Variants in MAF observed in about 807,000 individuals in gnomAD.
The protein encoded by MAF is MAF bZIP transcription factor.
A neutral mutation model predicts 22.0 loss-of-function variants in MAF; 10 were observed. The observed-to-expected ratio is 0.45, with a 90% CI of 0.28 to 0.77. The LOEUF is 0.77. MAF is among the 30% of genes least tolerant of loss of function. The pLI is 0.12. For synonymous variants in MAF, 337 were observed against 255.8 expected (o/e 1.32, Z -3.03); for missense variants, 544 against 548.4 (o/e 0.99, Z 0.08).
chr16:79,270,687 G>C, the MAF span, among the ~76,000 whole-genome samples: 120,010 of 151,996 alleles, frequency 0.79, 48,172 homozygotes, highest in East Asian at 0.95. Flanking sequence ...TAGGAAGGAG[G>C]AGGGTGGAGA....
At chr16:79,482,146 C>A in the MAF span, among the ~76,000 whole-genome samples, 1 of 152,228 alleles carries the variant, frequency 6.6e-6, no homozygotes, top group Admixed American at 6.5e-5. Flanking sequence ...AGAGACTCAA[C>A]TGACTTCAGT....
chr16:79,293,738 G>A, the MAF span, among the ~76,000 whole-genome samples: 120 of 152,238 alleles, frequency 7.9e-4, no homozygotes, highest in African/African-American at 2.8e-3. Flanking sequence ...CTGTGAAGGG[G>A]AAAGGCAACT....
At chr16:79,267,336 T>C in the MAF span, among the ~76,000 whole-genome samples, 1 of 152,170 alleles carries the variant, frequency 6.6e-6, no homozygotes, top group Non-Finnish European at 1.5e-5. Flanking sequence ...GTTCACGTGG[T>C]TACTGCTCAG....
chr16:79,539,691 A>C, the MAF span, among the ~76,000 whole-genome samples: 1 of 152,230 alleles, frequency 6.6e-6, no homozygotes, highest in Admixed American at 6.5e-5. Context: ...ATAGTTTGAT[A>C]ATTAAATAGT....
At chr16:79,204,849 T>C in the MAF span, 1 of 152,224 alleles carries the variant, frequency 6.6e-6, no homozygotes, top group Non-Finnish European at 1.5e-5. Flanking sequence ...CCTGCTGGTC[T>C]CCAGGCTCGT....
the MAF span, among the ~76,000 whole-genome samples, chr16:79,406,362 G>T: frequency 3.9e-5 from 6 of 152,196 alleles, no homozygotes; most frequent in African/African-American, 1.2e-4. Flanking sequence ...ATCATAGACT[G>T]AGTGGCTTAT....
the MAF span, among the ~76,000 whole-genome samples, chr16:79,469,249 C>T: frequency 5.9e-5 from 9 of 152,298 alleles, no homozygotes; most frequent in African/African-American, 1.2e-4. Flanking sequence ...CAGAGTTGAG[C>T]GGTTGCAACA....
At chr16:79,383,959 T>A in the MAF span, among the ~76,000 whole-genome samples, 1 of 152,110 alleles carries the variant, frequency 6.6e-6, no homozygotes, top group African/African-American at 2.4e-5. Flanking sequence ...GAAAAGCCAC[T>A]TGTGAAAAAG....
At chr16:79,474,983 A>G in the MAF span, among the ~76,000 whole-genome samples, 179 of 152,366 alleles carry the variant, frequency 1.2e-3, 4 homozygotes, top group South Asian at 0.036. Context: ...TGCTTTGTAG[A>G]CACTGTGCTG....
At chr16:79,246,383 T>A in the MAF span, among the ~76,000 whole-genome samples, 1 of 152,068 alleles carries the variant, frequency 6.6e-6, no homozygotes, top group East Asian at 1.9e-4. Flanking sequence ...AACCCACAAA[T>A]GTTACCAAAG....
chr16:79,488,759 T>G, the MAF span, among the ~76,000 whole-genome samples: 3 of 152,146 alleles, frequency 2.0e-5, no homozygotes, highest in African/African-American at 7.2e-5. Context: ...GAGAATGCAG[T>G]GCACAAAGCA....
At chr16:79,277,525 T>C in the MAF span, among the ~76,000 whole-genome samples, 2 of 152,220 alleles carry the variant, frequency 1.3e-5, no homozygotes, top group African/African-American at 4.8e-5. Flanking sequence ...ATTAGTACTA[T>C]TATTACTATT....
chr16:79,232,246 A>G, the MAF span, among the ~76,000 whole-genome samples: 2 of 152,076 alleles, frequency 1.3e-5, no homozygotes, highest in African/African-American at 4.8e-5. Context: ...CTTAAATTAC[A>G]TATACTGTGG....
chr16:79,225,290 G>T, the MAF span, among the ~76,000 whole-genome samples: 1 of 152,298 alleles, frequency 6.6e-6, no homozygotes, highest in Non-Finnish European at 1.5e-5. Flanking sequence ...AAATGGTGTT[G>T]AGAAAACTGG....
At chr16:79,242,391 G>C in the MAF span, among the ~76,000 whole-genome samples, 1 of 149,774 alleles carries the variant, frequency 6.7e-6, no homozygotes, top group South Asian at 2.1e-4. Flanking sequence ...AAAAAAAGCA[G>C]GGGTTGCAAT....
the MAF span, chr16:79,516,212 C>T: frequency 3.9e-5 from 6 of 152,128 alleles, no homozygotes; most frequent in African/African-American, 1.4e-4. Context: ...CAGATGTCCA[C>T]TGAGGGTCCA....
chr16:79,518,237 A>G, the MAF span, among the ~76,000 whole-genome samples: 1 of 152,182 alleles, frequency 6.6e-6, no homozygotes, highest in African/African-American at 2.4e-5. Context: ...TCACCCAAGG[A>G]ACATGAACCT....
chr16:79,367,582 T>C, the MAF span, among the ~76,000 whole-genome samples: 39 of 152,222 alleles, frequency 2.6e-4, no homozygotes, highest in Non-Finnish European at 4.3e-4. Context: ...CACTGTCCAA[T>C]GCAACTCTCT....
Position 79,600,522 on chromosome 16 carries a change from C to T in MAF, c.-620G>A, listed in dbSNP as rs762984067. ...CTCTCTCTCCCTCGCGCGCTCTCTACCTCTGTGCAAAGTGCAAGGCAGAGG... is the reference window on the plus strand; with the variant it reads ...CTCTCTCTCCCTCGCGCGCTCTCTATCTCTGTGCAAAGTGCAAGGCAGAGG... On this transcript the variant is annotated 5_prime_UTR_variant, in exon 1 of 2. Transcript: ENST00000326043. 62 of 194,832 alleles carry T rather than the reference C, an allele frequency of 3.2e-4. No homozygotes were observed. Among genetic ancestry groups the T allele is most frequent in the Middle Eastern group, 4.1e-3 (2 of 490 alleles). The allele number at this position is 194,832 out of a possible 1,614,324, so 12.1% of individuals were successfully genotyped here.
Sources: gnomAD v4.1 joint callset for allele counts (sites outside exome capture counted in the v4.1 genomes callset) on GRCh38, gnomAD v4.1.1 for gene constraint, MANE v1.5 for transcripts, NCBI Gene and HGNC (gene_info 2026-07-23, HGNC 2026-07-21) for gene names.